The following CDK14 variants were observed in gnomAD, a reference collection of about 807,000 sequenced individuals.
CDK14 encodes cyclin dependent kinase 14, also known as cyclin-dependent kinase 14.
In CDK14, 34 loss-of-function variants were observed where a neutral mutation model predicts 60.7. That is an observed-to-expected ratio of 0.56 (90% confidence interval 0.43 to 0.75). The LOEUF (loss-of-function observed/expected upper bound fraction) is 0.75. CDK14 is among the 30% of genes least tolerant of loss of function. The probability of loss-of-function intolerance (pLI) is 0.00; values close to 1 mark genes in which losing one functional copy is unlikely to be tolerated. For synonymous variants in CDK14, 197 were observed against 203.7 expected (o/e 0.97, Z 0.28); for missense variants, 482 against 564.1 (o/e 0.85, Z 1.47).
At chr7:90,950,824 G>A (rs1444383740) in intron 8 of CDK14, among the ~76,000 whole-genome samples, 4 of 152,188 alleles carry the variant, frequency 2.6e-5, no homozygotes, top group East Asian at 3.8e-4. Flanking sequence ...AGCCATGGGA[G>A]TAAATGGAGT....
intron 4 of CDK14, among the ~76,000 whole-genome samples, chr7:90,775,691 C>T (rs1805009530): frequency 1.1e-5 from 1 of 93,986 alleles, no homozygotes; most frequent in Non-Finnish European, 2.1e-5. Context: ...TTTTCCTTCT[C>T]CTCCTCCTCT....
intron 8 of CDK14, among the ~76,000 whole-genome samples, chr7:90,919,071 G>A (rs1793166854): frequency 6.6e-6 from 1 of 152,130 alleles, no homozygotes; most frequent in Admixed American, 6.5e-5. Flanking sequence ...TGGGAGAGTA[G>A]TGGGTGGAGG....
chr7:91,103,912 T>G (rs1308975466), intron 12 of CDK14, among the ~76,000 whole-genome samples: 1 of 151,628 alleles, frequency 6.6e-6, no homozygotes, highest in African/African-American at 2.4e-5. Flanking sequence ...AGAAAATTCT[T>G]TATAATTAGA....
chr7:90,874,264 CT>C (rs1294342470), intron 6 of CDK14, among the ~76,000 whole-genome samples: 5 of 152,008 alleles, frequency 3.3e-5, no homozygotes, highest in Admixed American at 6.6e-5. Flanking sequence ...TTGAAAATAT[CT>C]TTATTCGGTG....
intron 5 of CDK14, among the ~76,000 whole-genome samples, chr7:90,806,598 T>C (rs927881371): frequency 1.3e-5 from 2 of 152,168 alleles, no homozygotes; most frequent in African/African-American, 4.8e-5. Flanking sequence ...TTCATCTCAC[T>C]GGGAAGTGTT....
At chr7:91,060,241 TC>T (rs1268195754) in intron 11 of CDK14, among the ~76,000 whole-genome samples, 3 of 151,970 alleles carry the variant, frequency 2.0e-5, no homozygotes, top group South Asian at 2.1e-4. Context: ...TTTTTTTTTT[TC>T]CATTTGCTTG....
At chr7:91,172,378 T>G (rs1417593308) in intron 14 of CDK14, among the ~76,000 whole-genome samples, 4 of 152,184 alleles carry the variant, frequency 2.6e-5, no homozygotes, top group African/African-American at 7.2e-5. Flanking sequence ...TTTTCTCTCC[T>G]CCACCCCCCA....
At chr7:90,863,338 G>A in intron 6 of CDK14, 69 bp downstream of exon 6, 1 of 926,080 alleles carries the variant, frequency 1.1e-6, no homozygotes, top group Non-Finnish European at 1.7e-6. Context: ...TGTTGTCATA[G>A]AATTTCGTTT....
At chr7:90,755,282 C>T (rs1034686263) in intron 4 of CDK14, among the ~76,000 whole-genome samples, 19 of 152,122 alleles carry the variant, frequency 1.2e-4, no homozygotes, top group African/African-American at 4.6e-4. Flanking sequence ...ATTGCACAGC[C>T]ATTAAAAAGA....
chr7:90,955,179 T>A (rs1562843710), intron 8 of CDK14, among the ~76,000 whole-genome samples: 1 of 152,128 alleles, frequency 6.6e-6, no homozygotes, highest in Non-Finnish European at 1.5e-5. Context: ...TCCTAGTGAG[T>A]ATTTGACAGA....
At chr7:91,043,006 C>G (rs1194505569) in intron 10 of CDK14, among the ~76,000 whole-genome samples, 2 of 152,172 alleles carry the variant, frequency 1.3e-5, no homozygotes, top group Non-Finnish European at 2.9e-5. Flanking sequence ...ACTTTCTGCC[C>G]ACTTTGCCTT....
chr7:90,803,034 C>T lies in CDK14; in HGVS notation c.544+12382C>T, dbSNP rs141250940. Reference sequence around the variant, plus strand: ...CATATTTAAAAGTCAGACTTTAATACGCTGTTTGGAAGCTCTGGGTGCTTG... The same window carrying T: ...CATATTTAAAAGTCAGACTTTAATATGCTGTTTGGAAGCTCTGGGTGCTTG... On this transcript the variant is annotated intron_variant, in intron 5 of 14. Coordinates refer to ENST00000380050, the MANE Select transcript of CDK14 (RefSeq NM_001287135.2). Among the ~76,000 whole-genome samples, 45 of 152,002 alleles carry T rather than the reference C, an allele frequency of 3.0e-4. No individual in the cohort carries two copies. In the South Asian group the frequency reaches 3.5e-3, roughly 12 times the overall value.
chr7:90,641,754 A>G (rs1800342442), intron 2 of CDK14, among the ~76,000 whole-genome samples: 1 of 108,628 alleles, frequency 9.2e-6, no homozygotes, highest in African/African-American at 3.3e-5. Context: ...AACTCTGTAA[A>G]TATACTAAAA....
chr7:90,803,527 T>G (rs1414267907), intron 5 of CDK14, among the ~76,000 whole-genome samples: 1 of 152,112 alleles, frequency 6.6e-6, no homozygotes, highest in Non-Finnish European at 1.5e-5. Context: ...TCCAGGATTC[T>G]GGATTGGGTA....
At position 91,181,359 on chromosome 7, in the gene CDK14, A is replaced by G. The variant is rs2518785; in HGVS notation, c.*29-25806A>G. Among the ~76,000 whole-genome samples, 4 of 151,878 alleles carry G rather than the reference A, an allele frequency of 2.6e-5. No individual in the cohort carries two copies. In the South Asian group the frequency reaches 8.3e-4, roughly 32 times the overall value. On this transcript the variant is annotated intron_variant, in intron 14 of 14. Coordinates refer to ENST00000380050, the MANE Select transcript of CDK14 (RefSeq NM_001287135.2). Reference sequence around the variant, plus strand: ...CCTTTAACATGTTCCTCTCTCTCCCATATTTTCTACAAATTGGTATGTAGA... The same window carrying G: ...CCTTTAACATGTTCCTCTCTCTCCCGTATTTTCTACAAATTGGTATGTAGA...
chr7:90,779,568 A>G (rs1213057743), intron 4 of CDK14, among the ~76,000 whole-genome samples: 1 of 152,160 alleles, frequency 6.6e-6, no homozygotes, highest in South Asian at 2.1e-4. Context: ...ATACCAATGC[A>G]TATTGTATTC....
chr7:91,197,711 C>G (rs1349017016), intron 14 of CDK14, among the ~76,000 whole-genome samples: 1 of 152,154 alleles, frequency 6.6e-6, no homozygotes, highest in Non-Finnish European at 1.5e-5. Flanking sequence ...GGAGAAAATT[C>G]CACATGAGCA....
At chr7:91,180,749 A>G (rs999708027) in intron 14 of CDK14, among the ~76,000 whole-genome samples, 1 of 152,214 alleles carries the variant, frequency 6.6e-6, no homozygotes, top group African/African-American at 2.4e-5. Flanking sequence ...TAAAAGCCAA[A>G]GTGGAACTTG....
intron 2 of CDK14, among the ~76,000 whole-genome samples, chr7:90,624,379 C>T (rs1420280161): frequency 6.6e-6 from 1 of 152,232 alleles, no homozygotes; most frequent in Non-Finnish European, 1.5e-5. Context: ...TAATGAGTCA[C>T]TTTCTAATTT....
Sources: allele counts gnomAD v4.1 joint callset (sites outside exome capture counted in the v4.1 genomes callset), GRCh38; gene constraint gnomAD v4.1.1; transcripts MANE v1.5; gene names NCBI Gene and HGNC (gene_info 2026-07-23, HGNC 2026-07-21).